Variants in XRCC4 observed in about 807,000 individuals in gnomAD.
The protein encoded by XRCC4 is X-ray repair cross complementing 4.
Under a neutral mutation model 39.1 loss-of-function variants are expected in XRCC4, and 28 were observed. The observed-to-expected ratio is 0.72, with a 90% confidence interval of 0.53 to 0.98. The LOEUF is 0.98. Ranked by LOEUF, XRCC4 falls within the 50% of genes least tolerant of loss-of-function variation. XRCC4 has a pLI of 0.00. For missense variants in XRCC4, 350 were observed against 376.4 expected, an observed-to-expected ratio of 0.93 and a Z score of 0.58; for synonymous variants, 123 against 126.4, an observed-to-expected ratio of 0.97 and a Z score of 0.18.
intron 7 of XRCC4, among the ~76,000 whole-genome samples, chr5:83,285,678 G>A (rs1333407359): frequency 6.6e-6 from 1 of 152,090 alleles, no homozygotes; most frequent in Non-Finnish European, 1.5e-5. Context: ...GTGCCATATT[G>A]TGCAACTAAT....
chr5:83,218,397 A>G (rs1464418162), intron 6 of XRCC4, among the ~76,000 whole-genome samples: 2 of 151,964 alleles, frequency 1.3e-5, no homozygotes, highest in African/African-American at 4.8e-5. Context: ...TTCGACTTTC[A>G]TATGAATGAG....
At chr5:83,300,546 T>TGTG (rs1755242912) in intron 7 of XRCC4, among the ~76,000 whole-genome samples, 1 of 126,990 alleles carries the variant, frequency 7.9e-6, no homozygotes. Flanking sequence ...TATCTTTTGT[T>TGTG]TGTGTGTGTG....
At chr5:83,261,735 G>A (rs78943751) in intron 7 of XRCC4, among the ~76,000 whole-genome samples, 5,741 of 149,856 alleles carry the variant, frequency 0.038, 360 homozygotes, top group African/African-American at 0.13. Context: ...AATATTTATA[G>A]ATCTATTGTA....
At chr5:83,322,496 C>G (rs961259609) in intron 7 of XRCC4, among the ~76,000 whole-genome samples, 1 of 152,162 alleles carries the variant, frequency 6.6e-6, no homozygotes, top group Non-Finnish European at 1.5e-5. Context: ...CTCCCTCCAT[C>G]TCCCCCAACC....
At chr5:83,097,354 T>G (rs1745724899) in intron 1 of XRCC4, among the ~76,000 whole-genome samples, 2 of 152,006 alleles carry the variant, frequency 1.3e-5, no homozygotes, top group Non-Finnish European at 2.9e-5. Flanking sequence ...GGTTTTGTTT[T>G]TTTTTTTTTC....
intron 3 of XRCC4, among the ~76,000 whole-genome samples, chr5:83,116,608 CTTTTTTTTTTTTTTTTTTT>C (rs559079642): frequency 9.7e-6 from 1 of 103,196 alleles, no homozygotes; most frequent in Non-Finnish European, 1.9e-5. Flanking sequence ...TTCTCTCTCT[CTTTTTTTTTTTTTTTTTTT>C]TTTTTTTTTT....
chr5:83,141,541 C>G (rs1339821317), intron 3 of XRCC4, among the ~76,000 whole-genome samples: 1 of 152,058 alleles, frequency 6.6e-6, no homozygotes, highest in African/African-American at 2.4e-5. Context: ...TTTTAGTTTG[C>G]ATTTTTCCAA....
intron 3 of XRCC4, among the ~76,000 whole-genome samples, chr5:83,164,571 C>T (rs1307672309): frequency 6.6e-6 from 1 of 152,032 alleles, no homozygotes; most frequent in African/African-American, 2.4e-5. Flanking sequence ...TAAGAGAGAT[C>T]TTAAATGTTC....
At chr5:83,226,927 A>G (rs761772807) in intron 6 of XRCC4, among the ~76,000 whole-genome samples, 3 of 152,092 alleles carry the variant, frequency 2.0e-5, no homozygotes, top group South Asian at 4.1e-4. Flanking sequence ...TCAAATATTG[A>G]TTCTATCCTG....
intron 7 of XRCC4, among the ~76,000 whole-genome samples, chr5:83,276,876 A>G (rs553543272): frequency 6.6e-6 from 1 of 152,194 alleles, no homozygotes; most frequent in South Asian, 2.1e-4. Context: ...TTATAACAGA[A>G]TCTTGTTATA....
At chr5:83,087,173 C>T (rs983807668) in intron 1 of XRCC4, among the ~76,000 whole-genome samples, 2 of 151,596 alleles carry the variant, frequency 1.3e-5, no homozygotes, top group Non-Finnish European at 1.5e-5. Flanking sequence ...AAAAATTAGC[C>T]GGGAGTGGTG....
chr5:83,166,149 A>G, intron 3 of XRCC4, among the ~76,000 whole-genome samples: 1 of 151,950 alleles, frequency 6.6e-6, no homozygotes, highest in East Asian at 1.9e-4. Context: ...GGCCTCCCAA[A>G]GTGCTGGGAT....
At chr5:83,225,731 C>T (rs1251898526) in intron 6 of XRCC4, among the ~76,000 whole-genome samples, 1 of 151,746 alleles carries the variant, frequency 6.6e-6, no homozygotes, top group Non-Finnish European at 1.5e-5. Context: ...TGTTAATTCC[C>T]CACTGTAAGT....
At chr5:83,211,710 T>C (rs983816242) in intron 6 of XRCC4, among the ~76,000 whole-genome samples, 5 of 152,306 alleles carry the variant, frequency 3.3e-5, no homozygotes, top group Admixed American at 3.3e-4. Context: ...CAAAACTGTC[T>C]AGACACAGAG....
At position 83,215,591 on chromosome 5, in the gene XRCC4, T is replaced by C. The variant is rs148073713; in HGVS notation, c.745+10670T>C. Among the ~76,000 whole-genome samples, 18 of 152,296 alleles carry C rather than the reference T, an allele frequency of 1.2e-4. No individual in the cohort carries two copies. The East Asian group carries it at 3.3e-3, about 28-fold the overall frequency. On this transcript the variant is annotated intron_variant, in intron 6 of 7. Transcript: ENST00000396027. ...TAACCAAGATGATGTAATATTATTA[T>C]TATAAAGATAGTCATTATATCAGAC...
intron 3 of XRCC4, among the ~76,000 whole-genome samples, chr5:83,137,356 A>C (rs1747948924): frequency 6.6e-6 from 1 of 152,298 alleles, no homozygotes; most frequent in Non-Finnish European, 1.5e-5. Context: ...GAGGGGATGC[A>C]ATGTAGTCTA....
the XRCC4 span, among the ~76,000 whole-genome samples, chr5:83,372,483 T>C: frequency 6.6e-6 from 1 of 152,014 alleles, no homozygotes; most frequent in African/African-American, 2.4e-5. Context: ...TACTCCGAGG[T>C]TCCCAAGCAG....
chr5:83,213,165 AAAATAAAGACG>A (rs1257961304), intron 6 of XRCC4, among the ~76,000 whole-genome samples: 1 of 152,026 alleles, frequency 6.6e-6, no homozygotes, highest in Admixed American at 6.6e-5. Context: ...AGTATCTTTC[AAAATAAAGACG>A]AAATAAAGAC....
intron 1 of XRCC4, among the ~76,000 whole-genome samples, chr5:83,102,299 G>C (rs9293330): frequency 0.49 from 73,926 of 151,798 alleles, 18,795 homozygotes; most frequent in African/African-American, 0.62. Flanking sequence ...GAACTGTTTT[G>C]ACTGCAAGCA....
Sources: allele counts gnomAD v4.1 joint callset (sites outside exome capture counted in the v4.1 genomes callset), GRCh38; gene constraint gnomAD v4.1.1; transcripts MANE v1.5; gene names NCBI Gene and HGNC (gene_info 2026-07-23, HGNC 2026-07-21).